The following ZNF420 variants were observed in gnomAD, a reference collection of about 807,000 sequenced individuals.
ZNF420 encodes the protein ATM and p53-associated KZNF protein.
ZNF420 carries 31 observed loss-of-function variants against 44.7 expected under a neutral mutation model. That is an observed-to-expected ratio of 0.69 (90% confidence interval 0.52 to 0.94). ZNF420 has a LOEUF of 0.94. Among genes scored for constraint, ZNF420 ranks in the 40% least tolerant of loss-of-function variants. The pLI, the probability that ZNF420 is intolerant of heterozygous loss-of-function variation, is 0.00. For synonymous variants in ZNF420, 245 were observed against 267.4 expected (o/e 0.92, Z 0.82); for missense variants, 681 against 827.9 (o/e 0.82, Z 2.18).
intron 4 of ZNF420, among the ~76,000 whole-genome samples, chr19:37,119,879 G>T (rs1599718073): frequency 6.7e-6 from 1 of 150,192 alleles, no homozygotes; most frequent in Non-Finnish European, 1.5e-5. Context: ...TAGAAGAAAT[G>T]GATAAATTCC....
At chr19:37,010,560 C>T (rs1005768090) in intron 1 of ZNF420, among the ~76,000 whole-genome samples, 2 of 151,546 alleles carry the variant, frequency 1.3e-5, no homozygotes, top group Admixed American at 1.3e-4. Flanking sequence ...TTCTCTCTCT[C>T]TGTCTGTGAG....
At chr19:37,095,983 G>A (rs377122612) in intron 4 of ZNF420, 1 of 152,180 alleles carries the variant, frequency 6.6e-6, no homozygotes, top group South Asian at 2.1e-4. Flanking sequence ...CTTGCCTGAT[G>A]ATTTAACTAG....
chr19:37,115,787 C>G (rs116509077), intron 4 of ZNF420, among the ~76,000 whole-genome samples: 9 of 152,050 alleles, frequency 5.9e-5, no homozygotes, highest in East Asian at 2.0e-4. Context: ...TCCCTTCCCA[C>G]GAGGCCATAT....
intron 2 of ZNF420, among the ~76,000 whole-genome samples, chr19:37,083,465 T>C (rs1208924139): frequency 6.6e-6 from 1 of 152,188 alleles, no homozygotes; most frequent in Non-Finnish European, 1.5e-5. Flanking sequence ...CTTATTATTT[T>C]TCAGCATCTT....
chr19:37,091,222 T>C, intron 4 of ZNF420, 101 bp downstream of exon 4: 1 of 1,243,724 alleles, frequency 8.0e-7, no homozygotes, highest in Middle Eastern at 2.1e-4. Context: ...CTGAATTTCT[T>C]ATTCTTTTCA....
upstream of ZNF420, among the ~76,000 whole-genome samples, chr19:37,074,271 T>C (rs1715580001): frequency 6.6e-6 from 1 of 152,208 alleles, no homozygotes; most frequent in South Asian, 2.1e-4. Context: ...GTATCATTGG[T>C]AATGGATCAA....
intron 4 of ZNF420, among the ~76,000 whole-genome samples, chr19:37,101,801 A>ATGGGTG (rs1969794048): frequency 6.6e-6 from 1 of 152,198 alleles, no homozygotes; most frequent in Non-Finnish European, 1.5e-5. Flanking sequence ...GGTGGCCCAG[A>ATGGGTG]TGGGTGTGCC....
intron 4 of ZNF420, among the ~76,000 whole-genome samples, chr19:37,118,067 G>C (rs1297733092): frequency 1.3e-5 from 2 of 152,220 alleles, no homozygotes; most frequent in African/African-American, 4.8e-5. Context: ...TTATCCAGGA[G>C]AACTTCCCCA....
chr19:37,032,498 G>A (rs1227304864), intron 1 of ZNF420, among the ~76,000 whole-genome samples: 2 of 129,574 alleles, frequency 1.5e-5, no homozygotes, highest in Non-Finnish European at 3.3e-5. Flanking sequence ...AGTGAGACTC[G>A]GTCTTTAAGA....
At chr19:37,049,431 C>A (rs1967599522) in intron 1 of ZNF420, among the ~76,000 whole-genome samples, 1 of 152,194 alleles carries the variant, frequency 6.6e-6, no homozygotes, top group Non-Finnish European at 1.5e-5. Context: ...GATTGTATCT[C>A]ATTGTGGTTT....
At chr19:37,046,605 G>GT (rs371833142) in intron 1 of ZNF420, among the ~76,000 whole-genome samples, 1 of 152,284 alleles carries the variant, frequency 6.6e-6, no homozygotes, top group African/African-American at 2.4e-5. Context: ...GGGCTGAAAG[G>GT]TGTGAATCAG....
intron 4 of ZNF420, among the ~76,000 whole-genome samples, chr19:37,100,511 G>A (rs1396003127): frequency 6.6e-6 from 1 of 152,046 alleles, no homozygotes. Flanking sequence ...CCAGGAGTTT[G>A]AGACCAGCCT....
intron 1 of ZNF420, among the ~76,000 whole-genome samples, chr19:37,068,066 A>G (rs1967999099): frequency 6.6e-6 from 1 of 152,136 alleles, no homozygotes; most frequent in Middle Eastern, 3.2e-3. Context: ...TTATACCACA[A>G]AGATAGCATG....
In ZNF420 at chr19:37,128,857, G is replaced by A. The variant is rs750162182; in HGVS notation, c.1866G>A (p.Lys622=). 1.2e-6 allele frequency: 2 copies of A among 1,613,480 alleles called. No individual in the cohort carries two copies. The highest frequency in any genetic ancestry group is 8.5e-7 in the Non-Finnish European group (1 of 1,179,938). Residue 622 remains lysine, a synonymous_variant, in exon 5 of 5, where the codon AAG becomes AAA. Coordinates refer to ENST00000337995, the MANE Select transcript of ZNF420 (RefSeq NM_144689.5). Reference sequence around the variant, plus strand: ...CCTATGAATGCAGAGAATGTAGAAAGGCCTTTACTCAGAGTTCACATCTTT... The same window carrying A: ...CCTATGAATGCAGAGAATGTAGAAAAGCCTTTACTCAGAGTTCACATCTTT... ...EKPYECRECR[K]AFTQSSHLSR... is the part of the protein sequence containing the mutation.
intron 1 of ZNF420, among the ~76,000 whole-genome samples, chr19:37,069,804 C>T (rs10413101): frequency 0.16 from 24,647 of 151,892 alleles, 2,126 homozygotes; most frequent in African/African-American, 0.23. Context: ...TAAAGTTGGA[C>T]CTCGAGGAAA....
At chr19:37,051,811 T>C (rs896976283) in intron 1 of ZNF420, among the ~76,000 whole-genome samples, 1 of 152,218 alleles carries the variant, frequency 6.6e-6, no homozygotes, top group African/African-American at 2.4e-5. Flanking sequence ...ATTGTGATGT[T>C]AGGGTGTCAG....
chr19:37,083,080 C>T (rs1176180198), intron 2 of ZNF420, among the ~76,000 whole-genome samples: 1 of 151,722 alleles, frequency 6.6e-6, no homozygotes, highest in Non-Finnish European at 1.5e-5. Context: ...AGGATGGTCT[C>T]GATCTCCTGA....
chr19:37,107,865 T>G (rs954826602), intron 4 of ZNF420, among the ~76,000 whole-genome samples: 8 of 152,120 alleles, frequency 5.3e-5, no homozygotes, highest in Non-Finnish European at 1.0e-4. Flanking sequence ...CTTCAAAAAT[T>G]TGTTCTTTTA....
intron 1 of ZNF420, among the ~76,000 whole-genome samples, chr19:37,032,866 G>A (rs1408317877): frequency 6.6e-6 from 1 of 152,190 alleles, no homozygotes; most frequent in Non-Finnish European, 1.5e-5. Context: ...AGATACTAGA[G>A]GAAATTGAAA....
Sources: allele counts gnomAD v4.1 joint callset (sites outside exome capture counted in the v4.1 genomes callset), GRCh38; gene constraint gnomAD v4.1.1; transcripts MANE v1.5; gene names NCBI Gene and HGNC (gene_info 2026-07-23, HGNC 2026-07-21).